TRIP4: variants seen among roughly 807,000 people sequenced by gnomAD.
The protein encoded by TRIP4 is thyroid hormone receptor interactor 4, also known as activating signal cointegrator 1.
A neutral mutation model predicts 81.8 loss-of-function variants in TRIP4; 54 were observed. That is an observed-to-expected ratio of 0.66 (90% CI 0.53 to 0.83). The LOEUF (loss-of-function observed/expected upper bound fraction) is 0.83, where lower values mean the gene tolerates loss of function less well. Ranked by LOEUF, TRIP4 falls within the 40% of genes least tolerant of loss-of-function variation. The pLI is 0.00. For synonymous variants in TRIP4, 270 were observed against 242.8 expected (o/e 1.11, Z -1.04); for missense variants, 662 against 683.6 (o/e 0.97, Z 0.35).
At chr15:64,418,464 G>A in intron 8 of TRIP4, 77 bp from the exon 9 acceptor site, 3 of 1,389,432 alleles carry the variant, frequency 2.2e-6, no homozygotes, top group Non-Finnish European at 2.9e-6. Flanking sequence ...CTCATTATTA[G>A]CATTCGCATC....
intron 12 of TRIP4, among the ~76,000 whole-genome samples, chr15:64,446,900 C>T (rs1052249177): frequency 6.6e-6 from 1 of 151,394 alleles, no homozygotes; most frequent in Admixed American, 6.6e-5. Context: ...GTCAGGAGAT[C>T]GAGACTACCC....
At chr15:64,408,972 T>C (rs1182646656) in intron 6 of TRIP4, among the ~76,000 whole-genome samples, 1 of 152,240 alleles carries the variant, frequency 6.6e-6, no homozygotes, top group South Asian at 2.1e-4. Context: ...CCTAGCACTT[T>C]GGGAGGCCAA....
At chr15:64,420,884 A>T (rs541851229) in intron 9 of TRIP4, among the ~76,000 whole-genome samples, 1 of 152,264 alleles carries the variant, frequency 6.6e-6, no homozygotes, top group East Asian at 1.9e-4. Context: ...GTCCCAACTC[A>T]TAACAGTAAA....
At chr15:64,421,446 C>T (rs912366213) in intron 9 of TRIP4, among the ~76,000 whole-genome samples, 2 of 151,302 alleles carry the variant, frequency 1.3e-5, no homozygotes, top group Non-Finnish European at 2.9e-5. Flanking sequence ...AAGCATTCTC[C>T]AGCCTCAGCC....
chr15:64,419,785 G>C (rs1891968901), intron 9 of TRIP4, among the ~76,000 whole-genome samples: 1 of 152,074 alleles, frequency 6.6e-6, no homozygotes, highest in Non-Finnish European at 1.5e-5. Flanking sequence ...CCCACACCAA[G>C]AAACCGCTGT....
chr15:64,441,950 T>C (rs1386102645), intron 11 of TRIP4, among the ~76,000 whole-genome samples: 1 of 151,796 alleles, frequency 6.6e-6, no homozygotes, highest in Non-Finnish European at 1.5e-5. Context: ...ATATCTAGGG[T>C]GAAAAGCATT....
At position 64,397,765 on chromosome 15, in the gene TRIP4, C is replaced by T. The variant is rs111658371; in HGVS notation, c.565C>T (p.Arg189Cys). The part of the protein sequence containing the change: ...KLINNCLICG[R>C]IVCEQEGSGP... ...CATCAATAACTGTCTGATCTGTGGG[C>T]GCATTGTCTGTGAACAAGAAGGCTC... The change falls in exon 4 of 13, where the codon CGC becomes TGC. Residue 189 changes from arginine (R) to cysteine (C), a missense_variant. Transcript: ENST00000261884. 1,033 of 1,614,196 alleles carry T rather than the reference C, an allele frequency of 6.4e-4. No homozygotes were observed. The highest frequency in any genetic ancestry group is 8.4e-4 in the Non-Finnish European group (993 of 1,180,034).
At chr15:64,421,161 A>C (rs914216941) in intron 9 of TRIP4, among the ~76,000 whole-genome samples, 6 of 151,010 alleles carry the variant, frequency 4.0e-5, no homozygotes, top group Non-Finnish European at 5.9e-5. Flanking sequence ...GTGTGCCTGT[A>C]ATCCCAGCTA....
chr15:64,442,730 G>A (rs538742297), intron 11 of TRIP4, among the ~76,000 whole-genome samples: 1 of 152,168 alleles, frequency 6.6e-6, no homozygotes, highest in South Asian at 2.1e-4. Flanking sequence ...GCTCACGCCT[G>A]TAATCCCAGC....
At chr15:64,392,858 T>A (rs1207944568) in intron 1 of TRIP4, among the ~76,000 whole-genome samples, 2 of 151,880 alleles carry the variant, frequency 1.3e-5, no homozygotes, top group Non-Finnish European at 2.9e-5. Flanking sequence ...CAAGTGATCC[T>A]CCAGCTTCAG....
intron 8 of TRIP4, among the ~76,000 whole-genome samples, chr15:64,416,473 A>G (rs553349144): frequency 6.6e-5 from 10 of 152,254 alleles, no homozygotes; most frequent in Admixed American, 3.9e-4. Context: ...CTGTAATCCT[A>G]GCATTTTGGG....
At chr15:64,453,168 G>C (rs191525353) in intron 12 of TRIP4, among the ~76,000 whole-genome samples, 50 of 152,250 alleles carry the variant, frequency 3.3e-4, no homozygotes, top group Non-Finnish European at 4.4e-5. Flanking sequence ...GGGCGACAGA[G>C]ACTCTGTCTC....
chr15:64,388,060 A>C, intron 1 of TRIP4, 96 bp downstream of exon 1: 1 of 1,434,716 alleles, frequency 7.0e-7, no homozygotes, highest in South Asian at 1.5e-5. Flanking sequence ...TTAAGAGAGA[A>C]ATGTGATAAA....
At chr15:64,398,424 C>CAAAAAAAAA (rs745672952) in intron 4 of TRIP4, among the ~76,000 whole-genome samples, 1 of 16,306 alleles carries the variant, frequency 6.1e-5, no homozygotes, top group African/African-American at 1.5e-4. Context: ...CCTGTCTCTA[C>CAAAAAAAAA]AAAAAAAAAA....
At chr15:64,404,993 C>T (rs1891590668) in intron 5 of TRIP4, among the ~76,000 whole-genome samples, 1 of 150,896 alleles carries the variant, frequency 6.6e-6, no homozygotes. Flanking sequence ...GCCACCTAAC[C>T]CATTTTGGAT....
Position 64,425,561 on chromosome 15 carries a change from A to T in TRIP4, c.1505A>T (p.Tyr502Phe), listed in dbSNP as rs758104400. ...RGKDVEFPND[Y>F]PSGCLLGCVD... Reference sequence around the variant, plus strand: ...TCAGATGTGGAATTTCCTAATGACTATCCGTCAGGTTGTCTTCTGGGCTGT... The same window carrying T: ...TCAGATGTGGAATTTCCTAATGACTTTCCGTCAGGTTGTCTTCTGGGCTGT... The change falls in exon 11 of 13, where the codon TAT (tyrosine) becomes TTT (phenylalanine). Residue 502 changes from tyrosine (Y) to phenylalanine (F), a missense_variant. Coordinates refer to ENST00000261884, the MANE Select transcript of TRIP4 (RefSeq NM_016213.5). 2 of 1,611,772 alleles carry T rather than the reference A, an allele frequency of 1.2e-6. No homozygotes were observed. Among genetic ancestry groups the T allele is most frequent in the African/African-American group, 2.7e-5 (2 of 74,800 alleles).
chr15:64,403,451 G>T (rs768730373), intron 5 of TRIP4, among the ~76,000 whole-genome samples: 1 of 152,100 alleles, frequency 6.6e-6, no homozygotes, highest in African/African-American at 2.4e-5. Flanking sequence ...GAGCCACCGC[G>T]CCCAGCAGTT....
intron 11 of TRIP4, among the ~76,000 whole-genome samples, chr15:64,430,502 CT>C (rs1001164437): frequency 3.1e-4 from 46 of 148,088 alleles, no homozygotes; most frequent in South Asian, 1.1e-3. Context: ...GCAGTTAAAA[CT>C]TTTTTTTTTT....
chr15:64,396,355 C>A (rs950817252), intron 3 of TRIP4, among the ~76,000 whole-genome samples: 1 of 142,650 alleles, frequency 7.0e-6, no homozygotes, highest in South Asian at 2.3e-4. Context: ...TGGCCCACTG[C>A]AACCTCTGCC....
Sources: allele counts gnomAD v4.1 joint callset (sites outside exome capture counted in the v4.1 genomes callset), GRCh38; gene constraint gnomAD v4.1.1; transcripts MANE v1.5; gene names NCBI Gene and HGNC (gene_info 2026-07-23, HGNC 2026-07-21).